The following CCDC62 variants were observed in gnomAD, a reference collection of about 807,000 sequenced individuals.
The protein encoded by CCDC62 is coiled-coil domain containing 62.
In CCDC62, 72 loss-of-function variants were observed where a neutral mutation model predicts 80.8. The ratio of observed to expected loss-of-function variants is 0.89; its 90% CI spans 0.74 to 1.08. The LOEUF (loss-of-function observed/expected upper bound fraction) is 1.08. Among genes scored for constraint, CCDC62 ranks in the 50% least tolerant of loss-of-function variants. The pLI, the probability that CCDC62 is intolerant of heterozygous loss-of-function variation, is 0.00. For missense variants in CCDC62, 704 were observed against 809.4 expected (o/e 0.87, Z 1.58); for synonymous variants, 286 against 296.5 (o/e 0.96, Z 0.36).
intron 11 of CCDC62, among the ~76,000 whole-genome samples, chr12:122,818,270 G>A (rs1482270412): frequency 6.6e-6 from 1 of 151,982 alleles, no homozygotes; most frequent in Non-Finnish European, 1.5e-5. Flanking sequence ...GTCTAACACG[G>A]TGAAACCCCA....
intron 10 of CCDC62, among the ~76,000 whole-genome samples, chr12:122,810,026 G>A (rs1341998901): frequency 1.3e-5 from 2 of 152,122 alleles, no homozygotes; most frequent in African/African-American, 2.4e-5. Flanking sequence ...ATTCAAGATG[G>A]ATTAAAGACT....
At chr12:122,777,384 A>T in intron 1 of CCDC62, 107 bp from the exon 2 acceptor site, 1 of 853,330 alleles carries the variant, frequency 1.2e-6, no homozygotes, top group Non-Finnish European at 1.8e-6. Context: ...TAATTGAACT[A>T]CTTAGAATTG....
chr12:122,808,368 T>C (rs4038080), intron 10 of CCDC62, among the ~76,000 whole-genome samples: 127,856 of 151,816 alleles, frequency 0.84, 55,089 homozygotes, highest in East Asian at 0.99. Context: ...TAGCCATTCA[T>C]TTGTCAGTGG....
In CCDC62 at chr12:122,826,631, C is replaced by T. The variant is rs1330479926; in HGVS notation, c.*250C>T. ...ATATTTTCATGTGTAAGAAAGTAGA[C>T]CTTATTGTACATATAGAAAGTTGGA... On this transcript the variant is annotated 3_prime_UTR_variant, in exon 13 of 13. Coordinates refer to ENST00000253079, the MANE Select transcript of CCDC62 (RefSeq NM_201435.5). 2.0e-6 allele frequency: 1 copy of T among 500,338 alleles called. No homozygotes were observed. Among genetic ancestry groups the T allele is most frequent in the Non-Finnish European group, 3.5e-6 (1 of 283,644 alleles). 31.0% of individuals were successfully genotyped at this position (500,338 alleles called of 1,614,324 possible). A position where few individuals can be genotyped will look rare whatever the true frequency, so the allele number is the denominator to read the frequency against.
chr12:122,821,270 A>G (rs2032394781), intron 11 of CCDC62, among the ~76,000 whole-genome samples: 1 of 152,188 alleles, frequency 6.6e-6, no homozygotes, highest in Non-Finnish European at 1.5e-5. Context: ...ATATCTGGGC[A>G]TTAGCTGATG....
At chr12:122,822,103 CTTTTT>C (rs60304984) in intron 11 of CCDC62, among the ~76,000 whole-genome samples, 4 of 102,338 alleles carry the variant, frequency 3.9e-5, no homozygotes, top group Non-Finnish European at 4.0e-5. Context: ...CATTATTTAT[CTTTTT>C]TTTTTTTTTT....
chr12:122,804,417 G>T (rs1218652869), intron 9 of CCDC62, among the ~76,000 whole-genome samples: 5 of 152,178 alleles, frequency 3.3e-5, no homozygotes, highest in Non-Finnish European at 5.9e-5. Context: ...AACCCAGGAG[G>T]TGGAGGTTGC....
chr12:122,801,328 G>T lies in CCDC62; in HGVS notation c.1182G>T (p.Thr394=). 1 of 1,613,992 alleles carries T rather than the reference G, an allele frequency of 6.2e-7. No homozygotes were observed. ...DTVFGEKSVI[T]LSSIFTKDLV... is the part of the protein sequence containing the mutation. ...TGTTTGGGGAGAAAAGTGTAATTAC[G>T]CTGTCATCCATATTCACCAAAGACT... The change falls in exon 9 of 13, where the codon ACG becomes ACT. Residue 394 remains threonine, a synonymous_variant. Coordinates refer to ENST00000253079, the MANE Select transcript of CCDC62 (RefSeq NM_201435.5).
intron 9 of CCDC62, among the ~76,000 whole-genome samples, chr12:122,802,986 T>A (rs761542575): frequency 6.6e-6 from 1 of 152,174 alleles, no homozygotes; most frequent in Non-Finnish European, 1.5e-5. Flanking sequence ...GCTATGATGG[T>A]GCCACTGCAC....
chr12:122,823,047 A>G (rs563318830), intron 11 of CCDC62, among the ~76,000 whole-genome samples: 1 of 151,758 alleles, frequency 6.6e-6, no homozygotes, highest in East Asian at 1.9e-4. Flanking sequence ...TGCAACCTCC[A>G]CCTCCTGGGT....
At chr12:122,792,245 G>A in intron 6 of CCDC62, 124 bp downstream of exon 6, 2 of 590,838 alleles carry the variant, frequency 3.4e-6, no homozygotes, top group Non-Finnish European at 5.9e-6. Flanking sequence ...TTTTGAGACA[G>A]GGTCTTGCTC....
intron 1 of CCDC62, among the ~76,000 whole-genome samples, chr12:122,775,803 G>A (rs1383798347): frequency 1.3e-5 from 2 of 152,198 alleles, no homozygotes; most frequent in African/African-American, 2.4e-5. Flanking sequence ...AGTAGAGACA[G>A]GGTTTCGCCA....
intron 9 of CCDC62, among the ~76,000 whole-genome samples, chr12:122,802,270 C>A (rs1167282478): frequency 1.3e-5 from 2 of 152,070 alleles, no homozygotes; most frequent in Admixed American, 1.3e-4. Context: ...TTACCTAGAC[C>A]CCATATAAAA....
chr12:122,778,261 C>T (rs781280065), intron 2 of CCDC62, among the ~76,000 whole-genome samples: 1 of 150,448 alleles, frequency 6.6e-6, no homozygotes, highest in East Asian at 2.0e-4. Context: ...GGCAGAGGCA[C>T]GAGAATCGCT....
At chr12:122,795,840 G>A (rs1030857660) in intron 6 of CCDC62, among the ~76,000 whole-genome samples, 1 of 152,318 alleles carries the variant, frequency 6.6e-6, no homozygotes, top group South Asian at 2.1e-4. Context: ...TATAGACTGA[G>A]TGTCTGCCTC....
At chr12:122,821,910 C>A (rs1477905319) in intron 11 of CCDC62, among the ~76,000 whole-genome samples, 2 of 151,926 alleles carry the variant, frequency 1.3e-5, no homozygotes, top group Non-Finnish European at 2.9e-5. Flanking sequence ...AGAACCGATT[C>A]ATTTAACAAT....
At chr12:122,812,739 A>G (rs71444563) in intron 10 of CCDC62, among the ~76,000 whole-genome samples, 7,373 of 103,560 alleles carry the variant, frequency 0.071, 491 homozygotes, top group Non-Finnish European at 0.11. Context: ...AAAAAAAAGA[A>G]AGAGAGAGAG....
At chr12:122,795,659 C>T (rs1467628661) in intron 6 of CCDC62, among the ~76,000 whole-genome samples, 1 of 152,032 alleles carries the variant, frequency 6.6e-6, no homozygotes. Flanking sequence ...TTCCTGACCT[C>T]ATGATCTGCC....
At chr12:122,811,821 C>CAAAAAAA (rs67025764) in intron 10 of CCDC62, among the ~76,000 whole-genome samples, 8 of 34,664 alleles carry the variant, frequency 2.3e-4, no homozygotes, top group Non-Finnish European at 3.1e-4. Context: ...ACTCCATCTG[C>CAAAAAAA]AAAAAAAAAA....
Sources: gnomAD v4.1 joint callset for allele counts (sites outside exome capture counted in the v4.1 genomes callset) on GRCh38, gnomAD v4.1.1 for gene constraint, MANE v1.5 for transcripts, NCBI Gene and HGNC (gene_info 2026-07-23, HGNC 2026-07-21) for gene names.